The following PTPRN2 variants were observed in gnomAD, a reference collection of about 807,000 sequenced individuals.
The protein encoded by PTPRN2 is protein tyrosine phosphatase receptor type N2, also known as receptor-type tyrosine-protein phosphatase N2.
In PTPRN2, 74 loss-of-function variants were observed where a neutral mutation model predicts 118.8. The observed-to-expected ratio is 0.62, with a 90% CI of 0.52 to 0.76. The LOEUF (loss-of-function observed/expected upper bound fraction) is 0.76, where lower values mean the gene tolerates loss of function less well. Ranked by LOEUF, PTPRN2 falls within the 30% of genes least tolerant of loss-of-function variation. The pLI is 0.00. For synonymous variants in PTPRN2, 641 were observed against 608.0 expected, an observed-to-expected ratio of 1.05 and a Z score of -0.80; for missense variants, 1,481 against 1,394.4, an observed-to-expected ratio of 1.06 and a Z score of -0.99.
At chr7:157,904,237 T>A (rs1228633880) in intron 11 of PTPRN2, among the ~76,000 whole-genome samples, 1 of 152,218 alleles carries the variant, frequency 6.6e-6, no homozygotes, top group Non-Finnish European at 1.5e-5. Context: ...AGCAATAGGA[T>A]AAAGGTCACC....
Position 158,327,126 on chromosome 7 carries a change from CACAT to C in PTPRN2, c.164-10198_164-10195del, listed in dbSNP as rs566632916. On this transcript the variant is annotated intron_variant, in intron 2 of 22. Coordinates refer to ENST00000389418, the MANE Select transcript of PTPRN2 (RefSeq NM_002847.5). ...CCATGCACATTCTCACACAAGCACA[CACAT>C]ACACACTCATATCCACACACGTGCA... 4.2e-3 allele frequency among the ~76,000 whole-genome samples: 434 copies of C among 103,636 alleles called. 8 individuals are homozygous for C. The highest frequency in any genetic ancestry group is 0.032 in the Admixed American group (293 of 9,194). 68.0% of individuals were successfully genotyped at this position (103,636 alleles called of 152,430 possible).
intron 1 of PTPRN2, among the ~76,000 whole-genome samples, chr7:158,568,676 AT>A (rs1011005960): frequency 6.6e-6 from 1 of 152,000 alleles, no homozygotes; most frequent in Non-Finnish European, 1.5e-5. Flanking sequence ...AGTGGTTTCT[AT>A]TTTTTTCTAT....
intron 3 of PTPRN2, among the ~76,000 whole-genome samples, chr7:158,209,058 C>T (rs1465492943): frequency 6.8e-6 from 1 of 148,134 alleles, no homozygotes; most frequent in Non-Finnish European, 1.5e-5. Context: ...ACAGATACAA[C>T]AAAAAGTAAA....
At chr7:157,546,718 C>T (rs1031964679) in intron 22 of PTPRN2, among the ~76,000 whole-genome samples, 11 of 152,328 alleles carry the variant, frequency 7.2e-5, no homozygotes, top group Admixed American at 1.3e-4. Context: ...TTGCTGCCAT[C>T]TTGCCATTTA....
Position 157,585,891 on chromosome 7 carries a change from C to T in PTPRN2, c.2497-7751G>A, listed in dbSNP as rs1248615573. Among the ~76,000 whole-genome samples the T allele has an allele frequency of 1.3e-5, 2 of 152,180 alleles. No homozygotes were observed. Among genetic ancestry groups the T allele is most frequent in the African/African-American group, 4.8e-5 (2 of 41,436 alleles). On this transcript the variant is annotated intron_variant, in intron 17 of 22. Coordinates refer to ENST00000389418, the MANE Select transcript of PTPRN2 (RefSeq NM_002847.5). The surrounding 1 kb of genome is among the most constrained non-coding windows in gnomAD (Gnocchi z 5.2). ...CCGGACCTGTCCTTTCTACTTGAGT[C>T]CCATTTTAAATTCCGCATGTGTGCG...
At chr7:158,316,060 T>G (rs1261702149) in intron 3 of PTPRN2, among the ~76,000 whole-genome samples, 1 of 152,182 alleles carries the variant, frequency 6.6e-6, no homozygotes, top group Non-Finnish European at 1.5e-5. Flanking sequence ...AGACCATCCC[T>G]GAGTCCCCAA....
intron 12 of PTPRN2, among the ~76,000 whole-genome samples, chr7:157,771,714 C>T (rs56280111): frequency 0.11 from 17,216 of 151,758 alleles, 1,057 homozygotes; most frequent in Middle Eastern, 0.16. Context: ...CAGACACACA[C>T]GAACACACAC....
In PTPRN2 at chr7:157,953,510, G is replaced by A. The variant is rs569399997; in HGVS notation, c.1724-54773C>T. On this transcript the variant is annotated intron_variant, in intron 11 of 22. Transcript: ENST00000389418. The surrounding 1 kb of genome is among the most constrained non-coding windows in gnomAD (Gnocchi z 4.6). ...CTTCACACCATGAGGCTGCTGGCACGGGTGCCTTTGCTGCCGGCTGCTGTC... is the reference window on the plus strand; with the variant it reads ...CTTCACACCATGAGGCTGCTGGCACAGGTGCCTTTGCTGCCGGCTGCTGTC... 1.9e-3 allele frequency among the ~76,000 whole-genome samples: 290 copies of A among 152,258 alleles called. 1 individual carries two copies. Among genetic ancestry groups the A allele is most frequent in the Non-Finnish European group, 3.3e-3 (223 of 68,026 alleles).
intron 11 of PTPRN2, among the ~76,000 whole-genome samples, chr7:158,005,383 C>T (rs759310885): frequency 2.6e-5 from 4 of 152,082 alleles, no homozygotes; most frequent in Admixed American, 1.3e-4. Flanking sequence ...CGTGGTCACT[C>T]TTAAGGTGGG....
intron 2 of PTPRN2, among the ~76,000 whole-genome samples, chr7:158,485,037 G>A (rs1004220803): frequency 1.1e-4 from 16 of 152,066 alleles, no homozygotes; most frequent in Non-Finnish European, 1.2e-4. Context: ...CCAGCGTCCC[G>A]GGAGGGCACC....
At chr7:158,513,353 C>T (rs1823310583) in intron 1 of PTPRN2, among the ~76,000 whole-genome samples, 1 of 152,148 alleles carries the variant, frequency 6.6e-6, no homozygotes, top group Non-Finnish European at 1.5e-5. Context: ...CCAAGAGGAC[C>T]CCAGGAGACA....
intron 2 of PTPRN2, among the ~76,000 whole-genome samples, chr7:158,333,348 C>G (rs1198044660): frequency 7.1e-6 from 1 of 141,630 alleles, no homozygotes; most frequent in East Asian, 2.1e-4. Context: ...AGAGGTGACA[C>G]CTGCAGACGT....
rs376420012 is a variant in PTPRN2 at position 158,351,676 on chromosome 7, G to A, written c.164-34744C>T. ...ACTCAACAACTCCATGTGAACACCT[G>A]CCCTGGCATGCAGGCAGCCGGGCCA... On this transcript the variant is annotated intron_variant, in intron 2 of 22. Coordinates refer to ENST00000389418, the MANE Select transcript of PTPRN2 (RefSeq NM_002847.5). Among the ~76,000 whole-genome samples, 39 of 152,226 alleles carry A rather than the reference G, an allele frequency of 2.6e-4. No individual in the cohort carries two copies. In the East Asian group the frequency reaches 2.9e-3, roughly 11 times the overall value.
In PTPRN2 at chr7:157,952,286, G is replaced by A. The variant is rs184124916; in HGVS notation, c.1724-53549C>T. Among the ~76,000 whole-genome samples, 746 of 152,176 alleles carry A rather than the reference G, an allele frequency of 4.9e-3. 14 individuals are homozygous for A. The highest frequency in any genetic ancestry group is 4.5e-3 in the East Asian group (23 of 5,148). On this transcript the variant is annotated intron_variant, in intron 11 of 22. Coordinates refer to ENST00000389418, the MANE Select transcript of PTPRN2 (RefSeq NM_002847.5). ...AGGAGTGAAGAGTGGAAGAGTGCCC[G>A]GTGCAGGGATGGGTGGGAGGAACCT...
At chr7:158,473,432 G>A (rs1431617885) in intron 2 of PTPRN2, among the ~76,000 whole-genome samples, 2 of 152,310 alleles carry the variant, frequency 1.3e-5, no homozygotes, top group Non-Finnish European at 2.9e-5. Context: ...AGGGCAAGCT[G>A]CAGCCTCTGC....
chr7:158,171,348 TACACAC>T (rs1252929315), intron 5 of PTPRN2, among the ~76,000 whole-genome samples: 4 of 89,952 alleles, frequency 4.4e-5, no homozygotes, highest in Admixed American at 1.3e-4. Flanking sequence ...TATATATATA[TACACAC>T]ACACATTTTT....
chr7:158,534,312 G>T (rs1198305884), intron 1 of PTPRN2, among the ~76,000 whole-genome samples: 1 of 140,872 alleles, frequency 7.1e-6, no homozygotes, highest in Admixed American at 7.0e-5. Context: ...GACCACCCAC[G>T]CCCCGGGCTC....
intron 12 of PTPRN2, among the ~76,000 whole-genome samples, chr7:157,838,627 T>C (rs537433863): frequency 3.2e-5 from 3 of 93,608 alleles, no homozygotes; most frequent in South Asian, 1.0e-3. Flanking sequence ...CCAGTTCCTC[T>C]CGTAGTGGAT....
intron 9 of PTPRN2, among the ~76,000 whole-genome samples, chr7:158,128,881 C>T (rs914612596): frequency 6.6e-6 from 1 of 152,058 alleles, no homozygotes; most frequent in East Asian, 1.9e-4. Flanking sequence ...TGTCCACGAA[C>T]ACAACATGGG....
Sources: allele counts gnomAD v4.1 joint callset (sites outside exome capture counted in the v4.1 genomes callset), GRCh38; gene constraint gnomAD v4.1.1; non-coding constraint Gnocchi (gnomAD v3.1); transcripts MANE v1.5; gene names NCBI Gene and HGNC (gene_info 2026-07-23, HGNC 2026-07-21).